FOXJ3: variants seen among roughly 807,000 people sequenced by gnomAD.
FOXJ3 encodes the protein forkhead box protein J3.
In FOXJ3, 22 loss-of-function variants were observed where a neutral mutation model predicts 76.1. The observed-to-expected ratio is 0.29, with a 90% CI of 0.21 to 0.41. The LOEUF (loss-of-function observed/expected upper bound fraction) is 0.41. FOXJ3 is among the 10% of genes least tolerant of loss of function. FOXJ3 has a pLI of 1.00. For missense variants in FOXJ3, 613 were observed against 762.1 expected (o/e 0.80, Z 2.30); for synonymous variants, 269 against 261.2 (o/e 1.03, Z -0.29).
chr1:42,287,372 AAATTACCCTTGCTAC>A (rs1336653978), intron 2 of FOXJ3, among the ~76,000 whole-genome samples: 6 of 152,096 alleles, frequency 3.9e-5, no homozygotes, highest in Non-Finnish European at 7.4e-5. Context: ...AAGCTGATCT[AAATTACCCTTGCTAC>A]AGAGAAGTAA....
chr1:42,301,006 C>T (rs1056010428), intron 2 of FOXJ3, among the ~76,000 whole-genome samples: 37 of 152,208 alleles, frequency 2.4e-4, no homozygotes, highest in Non-Finnish European at 5.1e-4. Flanking sequence ...TGAGGTTCTT[C>T]TTGCAATTTA....
At chr1:42,298,585 C>G (rs1025895869) in intron 2 of FOXJ3, among the ~76,000 whole-genome samples, 1 of 151,910 alleles carries the variant, frequency 6.6e-6, no homozygotes, top group African/African-American at 2.4e-5. Context: ...AGCAGGCTGT[C>G]AATTTTGTGT....
At chr1:42,225,722 G>A (rs1412342178) in intron 5 of FOXJ3, among the ~76,000 whole-genome samples, 1 of 152,052 alleles carries the variant, frequency 6.6e-6, no homozygotes, top group Admixed American at 6.6e-5. Context: ...TTAAAGTGAT[G>A]ATCAAAAAGC....
intron 3 of FOXJ3, among the ~76,000 whole-genome samples, chr1:42,270,036 C>G (rs575457055): frequency 6.6e-6 from 1 of 152,260 alleles, no homozygotes; most frequent in South Asian, 2.1e-4. Flanking sequence ...ATTCTTAAGC[C>G]CCCAAAGACT....
intron 4 of FOXJ3, among the ~76,000 whole-genome samples, chr1:42,261,300 T>C (rs1476892725): frequency 2.6e-5 from 4 of 151,110 alleles, no homozygotes; most frequent in African/African-American, 4.9e-5. Flanking sequence ...GCAGAATGTA[T>C]AGACAGGGTA....
intron 4 of FOXJ3, among the ~76,000 whole-genome samples, chr1:42,251,953 G>A (rs1295248897): frequency 6.1e-4 from 93 of 152,084 alleles, no homozygotes; most frequent in Admixed American, 3.7e-3. Context: ...TCCTGACCTC[G>A]TGATCCGCCC....
intron 2 of FOXJ3, among the ~76,000 whole-genome samples, chr1:42,296,227 T>C (rs527619276): frequency 6.6e-6 from 1 of 152,388 alleles, no homozygotes; most frequent in African/African-American, 2.4e-5. Flanking sequence ...TAGATTCTGA[T>C]GTTCATCCTT....
At chr1:42,291,083 T>TAGACAGACAGAC (rs71065113) in intron 2 of FOXJ3, among the ~76,000 whole-genome samples, 1,675 of 126,384 alleles carry the variant, frequency 0.013, 20 homozygotes, top group Admixed American at 0.022. Flanking sequence ...GATAGATAGA[T>TAGACAGACAGAC]AGACAGACAG....
intron 6 of FOXJ3, among the ~76,000 whole-genome samples, chr1:42,200,636 A>T (rs569055753): frequency 6.6e-6 from 1 of 151,826 alleles, no homozygotes; most frequent in South Asian, 2.1e-4. Context: ...GCGCCACCAT[A>T]CCTGGCTAAT....
intron 2 of FOXJ3, among the ~76,000 whole-genome samples, chr1:42,304,991 C>CAT (rs1409195291): frequency 6.6e-6 from 1 of 152,164 alleles, no homozygotes; most frequent in Non-Finnish European, 1.5e-5. Context: ...GCAAACTACC[C>CAT]ATTCGACAAA....
intron 1 of FOXJ3, among the ~76,000 whole-genome samples, chr1:42,329,751 G>A (rs1457846609): frequency 6.6e-6 from 1 of 152,250 alleles, no homozygotes; most frequent in Non-Finnish European, 1.5e-5. Flanking sequence ...GTACACTGTA[G>A]TGTTAAGTCC....
intron 2 of FOXJ3, among the ~76,000 whole-genome samples, chr1:42,290,080 GA>G (rs1361712678): frequency 6.6e-6 from 1 of 152,072 alleles, no homozygotes; most frequent in Non-Finnish European, 1.5e-5. Flanking sequence ...ATGTTTTAAG[GA>G]AAAAGTTCCT....
chr1:42,320,881 G>C (rs1325290021), intron 1 of FOXJ3, among the ~76,000 whole-genome samples: 1 of 152,116 alleles, frequency 6.6e-6, no homozygotes, highest in East Asian at 1.9e-4. Context: ...CCACTTCCCT[G>C]GATCCTGTAT....
At chr1:42,213,005 A>C (rs1257319381) in intron 5 of FOXJ3, among the ~76,000 whole-genome samples, 1 of 150,464 alleles carries the variant, frequency 6.6e-6, no homozygotes, top group Admixed American at 6.6e-5. Context: ...AGTGAAGGAG[A>C]AATAAAGTCT....
At chr1:42,193,404 T>C (rs1646588217) in intron 8 of FOXJ3, among the ~76,000 whole-genome samples, 1 of 151,860 alleles carries the variant, frequency 6.6e-6, no homozygotes, top group Non-Finnish European at 1.5e-5. Flanking sequence ...TGTTCCTTTT[T>C]TTTTTTTTTT....
chr1:42,328,992 T>C (rs542097094), intron 1 of FOXJ3, among the ~76,000 whole-genome samples: 1 of 152,306 alleles, frequency 6.6e-6, no homozygotes, highest in East Asian at 1.9e-4. Flanking sequence ...TATCTTGTTA[T>C]AGCACTAAAG....
chr1:42,234,307 T>C (rs1333593087), intron 4 of FOXJ3, among the ~76,000 whole-genome samples: 2 of 152,178 alleles, frequency 1.3e-5, no homozygotes, highest in Non-Finnish European at 2.9e-5. Flanking sequence ...TGTTTAATTT[T>C]TTTTTCAAGG....
Position 42,205,831 on chromosome 1 carries a change from A to G in FOXJ3, c.561T>C (p.Ser187=). The G allele has an allele frequency of 6.2e-7, 1 of 1,611,666 alleles. No individual in the cohort carries two copies. Among genetic ancestry groups the G allele is most frequent in the South Asian group, 1.1e-5 (1 of 91,002 alleles). The change falls in exon 6 of 13, where the codon TCT becomes TCC. Residue 187 remains serine (S), a synonymous_variant. Transcript: ENST00000361346. ...ASTPYSIDSD[S]LGMECIISGS... ...CCGAAATAATACACTCCATTCCCAAAGAATCTGAATCTATGCTATATGGAG... is the reference window on the plus strand; with the variant it reads ...CCGAAATAATACACTCCATTCCCAAGGAATCTGAATCTATGCTATATGGAG...
At position 42,177,916 on chromosome 1, in the gene FOXJ3, G is replaced by A. The variant is rs1646245156; in HGVS notation, c.*1794C>T. 6.6e-6 allele frequency: 1 copy of A among 152,486 alleles called. No homozygotes were observed. Among genetic ancestry groups the A allele is most frequent in the Admixed American group, 6.6e-5 (1 of 15,258 alleles). 9.4% of individuals were successfully genotyped at this position (152,486 alleles called of 1,614,324 possible). ...CTGATAAGACCAGAGATGCTAAAAA[G>A]CAACTAGTGAGCAGTTATTACTCTT... On this transcript the variant is annotated 3_prime_UTR_variant, in exon 13 of 13. Transcript: ENST00000361346.
Sources: allele counts gnomAD v4.1 joint callset (sites outside exome capture counted in the v4.1 genomes callset), GRCh38; gene constraint gnomAD v4.1.1; transcripts MANE v1.5; gene names NCBI Gene and HGNC (gene_info 2026-07-23, HGNC 2026-07-21).